The following C11orf58 variants were observed in gnomAD, a reference collection of about 807,000 sequenced individuals.
C11orf58 encodes the protein small acidic protein.
In C11orf58, 5 loss-of-function variants were observed where a neutral mutation model predicts 22.7. The observed-to-expected ratio is 0.22, with a 90% CI of 0.12 to 0.46. The LOEUF is 0.46. C11orf58 is among the 20% of genes least tolerant of loss of function. The probability of loss-of-function intolerance (pLI) is 0.99; values close to 1 mark genes in which losing one functional copy is unlikely to be tolerated. For synonymous variants in C11orf58, 71 were observed against 70.7 expected, an observed-to-expected ratio of 1.00 and a Z score of -0.02; for missense variants, 151 against 223.3, an observed-to-expected ratio of 0.68 and a Z score of 2.06.
intron 3 of C11orf58, chr11:16,749,452 CTG>C (rs1848513997): frequency 6.6e-6 from 1 of 152,194 alleles, no homozygotes; most frequent in African/African-American, 2.4e-5. Context: ...TCTTTTAAAA[CTG>C]AGAGCTTTAA....
chr11:16,748,414 G>A (rs888320681), intron 3 of C11orf58: 7 of 251,902 alleles, frequency 2.8e-5, no homozygotes, highest in African/African-American at 1.4e-4. Flanking sequence ...GGGCTACAGA[G>A]CAAGACCTCA....
In C11orf58 at chr11:16,756,241, A is replaced by G. The variant is rs1006847723; in HGVS notation, c.*1137A>G. On this transcript the variant is annotated 3_prime_UTR_variant, in exon 5 of 5. Coordinates refer to ENST00000228136, the MANE Select transcript of C11orf58 (RefSeq NM_014267.6). Reference sequence around the variant, plus strand: ...GAGCTATTATACATCTACATACTTAAAGGATGTATTTGGAGTGTTGGATTT... The same window carrying G: ...GAGCTATTATACATCTACATACTTAGAGGATGTATTTGGAGTGTTGGATTT... The G allele has an allele frequency of 4.6e-5, 7 of 151,806 alleles. No homozygotes were observed. Among genetic ancestry groups the G allele is most frequent in the Admixed American group, 1.3e-4 (2 of 15,238 alleles). 9.4% of individuals were successfully genotyped at this position (151,806 alleles called of 1,614,324 possible). A position where few individuals can be genotyped will look rare whatever the true frequency, so the allele number is the denominator to read the frequency against.
chr11:16,739,794 G>C (rs967700306), intron 1 of C11orf58, among the ~76,000 whole-genome samples: 44 of 151,688 alleles, frequency 2.9e-4, no homozygotes, highest in Non-Finnish European at 4.4e-5. Context: ...GTTTTTTTTC[G>C]GTTTTGTTTA....
At chr11:16,749,332 A>C (rs774289937) in intron 3 of C11orf58, 1 of 152,198 alleles carries the variant, frequency 6.6e-6, no homozygotes, top group African/African-American at 2.4e-5. Context: ...TAGATCTTTT[A>C]TTTTTCTAGT....
chr11:16,739,706 T>G (rs1342457413), intron 1 of C11orf58: 2 of 152,108 alleles, frequency 1.3e-5, no homozygotes, highest in African/African-American at 4.8e-5. Context: ...TGGATAAGTG[T>G]CTTGGCAACG....
chr11:16,741,082 C>T (rs1407956397), intron 1 of C11orf58, among the ~76,000 whole-genome samples: 2 of 135,760 alleles, frequency 1.5e-5, no homozygotes, highest in African/African-American at 5.8e-5. Flanking sequence ...GGCGACAGAG[C>T]GAGACTCTGT....
intron 1 of C11orf58, among the ~76,000 whole-genome samples, chr11:16,741,991 GA>G (rs1848452064): frequency 6.6e-6 from 1 of 152,168 alleles, no homozygotes; most frequent in Admixed American, 6.5e-5. Flanking sequence ...CCTCTCAGTG[GA>G]AAAATTGTCT....
chr11:16,751,046 A>G (rs757004661), intron 3 of C11orf58: 8 of 152,248 alleles, frequency 5.3e-5, no homozygotes, highest in Non-Finnish European at 1.2e-4. Context: ...GAGAAGATAG[A>G]CACAGAGCAC....
At chr11:16,751,235 C>G (rs1015540956) in intron 3 of C11orf58, 1 of 152,166 alleles carries the variant, frequency 6.6e-6, no homozygotes, top group South Asian at 2.1e-4. Flanking sequence ...CATGGTGGGT[C>G]ACGCCTGTAA....
chr11:16,739,377 A>C (rs1250484158), intron 1 of C11orf58: 1 of 157,272 alleles, frequency 6.4e-6, no homozygotes, highest in Non-Finnish European at 1.4e-5. Flanking sequence ...GTAATTTGGT[A>C]CTGGCTCTGG....
chr11:16,752,346 CT>C (rs5789962), intron 3 of C11orf58: 133,926 of 152,718 alleles, frequency 0.88, 58,904 homozygotes, highest in African/African-American at 0.95. Flanking sequence ...CTGCTTTAAA[CT>C]TTTAAGTTGC....
Position 16,756,873 on chromosome 11 carries a change from A to T in C11orf58, c.*1769A>T, listed in dbSNP as rs1471742012. 2 of 144,534 alleles carry T rather than the reference A, an allele frequency of 1.4e-5. No homozygotes were observed. The allele number at this position is 144,534 out of a possible 1,614,324, so 9.0% of individuals were successfully genotyped here. A position where few individuals can be genotyped will look rare whatever the true frequency, so the allele number is the denominator to read the frequency against. On this transcript the variant is annotated 3_prime_UTR_variant, in exon 5 of 5. Transcript: ENST00000228136. ...CAGTGAGCCAAGATCACCCCATTGC[A>T]CTCCAGCCTGGGCAACAAGAGCAAA... is the stretch of plus-strand genomic sequence containing the variant.
chr11:16,738,708 T>C lies in C11orf58; in HGVS notation c.-71T>C, dbSNP rs1253580609. 6.4e-7 allele frequency: 1 copy of C among 1,550,700 alleles called. No homozygotes were observed. The highest frequency in any genetic ancestry group is 1.4e-5 in the African/African-American group (1 of 73,602). On this transcript the variant is annotated 5_prime_UTR_variant, in exon 1 of 5. Coordinates refer to ENST00000228136, the MANE Select transcript of C11orf58 (RefSeq NM_014267.6). ...CGCTGCTTGGGCCCTTGGCGGATTG[T>C]AAGCTGCTGGTTTTGCGGCTGGGAA... is the stretch of plus-strand genomic sequence containing the variant.
Position 16,756,607 on chromosome 11 carries a change from C to G in C11orf58, c.*1503C>G, listed in dbSNP as rs1032110768. 2.7e-5 allele frequency among the ~76,000 whole-genome samples: 4 copies of G among 150,262 alleles called. No homozygotes were observed. The highest frequency in any genetic ancestry group is 6.6e-5 in the Admixed American group (1 of 15,086). ...ATTTTTAAAAATTATTCTTATGTCA[C>G]TTTGAAATGTAGAACGTGTTGCCAT... On this transcript the variant is annotated 3_prime_UTR_variant, in exon 5 of 5. Coordinates refer to ENST00000228136, the MANE Select transcript of C11orf58 (RefSeq NM_014267.6).
At chr11:16,744,401 A>G (rs1159857990) in intron 1 of C11orf58, 200 bp from the exon 2 acceptor site, 4 of 534,438 alleles carry the variant, frequency 7.5e-6, no homozygotes, top group Non-Finnish European at 1.3e-5. Context: ...TAGGAGAACT[A>G]AAGGATTCTG....
At chr11:16,744,492 A>T in intron 1 of C11orf58, 109 bp from the exon 2 acceptor site, 1 of 782,886 alleles carries the variant, frequency 1.3e-6, no homozygotes, top group Non-Finnish European at 2.1e-6. Flanking sequence ...AACGCTGTTT[A>T]TAGTTACAAC....
chr11:16,745,412 A>G (rs1447942516), intron 2 of C11orf58, among the ~76,000 whole-genome samples: 1 of 152,224 alleles, frequency 6.6e-6, no homozygotes, highest in African/African-American at 2.4e-5. Flanking sequence ...TCTTACTGAT[A>G]ACATAATTAT....
At chr11:16,748,040 C>A in intron 2 of C11orf58, 57 bp from the exon 3 acceptor site, 1 of 1,311,324 alleles carries the variant, frequency 7.6e-7, no homozygotes, top group Non-Finnish European at 1.1e-6. Flanking sequence ...ATAGTAGATA[C>A]CCAATAAGGT....
intron 3 of C11orf58, 57 bp from the exon 4 acceptor site, chr11:16,752,728 T>C (rs949186315): frequency 4.0e-6 from 5 of 1,263,004 alleles, no homozygotes; most frequent in Non-Finnish European, 5.7e-6. Context: ...GTATTATGGG[T>C]TTTTGTGTAA....
Sources: allele counts gnomAD v4.1 joint callset (sites outside exome capture counted in the v4.1 genomes callset), GRCh38; gene constraint gnomAD v4.1.1; transcripts MANE v1.5; gene names NCBI Gene and HGNC (gene_info 2026-07-23, HGNC 2026-07-21).